The following DELE1 variants were observed in gnomAD, a reference collection of about 807,000 sequenced individuals.
DELE1 encodes death ligand signal enhancer.
Under a neutral mutation model 59.3 loss-of-function variants are expected in DELE1, and 54 were observed. The ratio of observed to expected loss-of-function variants is 0.91; its 90% confidence interval spans 0.73 to 1.14. The LOEUF is 1.14. DELE1 is among the 50% of genes most tolerant of loss of function. The pLI, the probability that DELE1 is intolerant of heterozygous loss-of-function variation, is 0.00. For synonymous variants in DELE1, 264 were observed against 259.1 expected (o/e 1.02, Z -0.18); for missense variants, 636 against 643.9 (o/e 0.99, Z 0.13).
rs1751720866 is a variant in DELE1, at chr5:141,929,590, CAA to C, written c.422_423del (p.Gln141ProfsTer48). On this transcript the variant is annotated frameshift_variant, in exon 5 of 12. Coordinates refer to ENST00000432126, the MANE Select transcript of DELE1 (RefSeq NM_014773.5). LOFTEE classifies it high-confidence loss of function. ...TTGCTGGCTCTTTCCAGCACTGCGACAACACATCCTCCCCAGCCCCGATGGCC... is the reference window on the plus strand; with the variant it reads ...TTGCTGGCTCTTTCCAGCACTGCGACCACATCCTCCCCAGCCCCGATGGCC... ...PLWHPCSSLRQHILPSPDGPA... is the reference protein window; with the variant it reads ...PLWHPCSSLRXHILPSPDGPA... 4 of 1,613,526 alleles carry C rather than the reference CAA, an allele frequency of 2.5e-6. No individual in the cohort carries two copies. Among genetic ancestry groups the C allele is most frequent in the Non-Finnish European group, 3.4e-6 (4 of 1,179,972 alleles).
At chr5:141,935,047 T>G (rs750008663) in intron 10 of DELE1, 1 of 164,972 alleles carries the variant, frequency 6.1e-6, no homozygotes, top group Non-Finnish European at 1.3e-5. Flanking sequence ...AACTAACAGG[T>G]GTGACAGTGC....
At chr5:141,930,846 C>T (rs550011093) in intron 7 of DELE1, among the ~76,000 whole-genome samples, 12 of 152,204 alleles carry the variant, frequency 7.9e-5, no homozygotes, top group East Asian at 1.9e-4. Flanking sequence ...CCTTCTAATG[C>T]GGAGACTCAG....
intron 7 of DELE1, chr5:141,931,427 T>C (rs1355725995): frequency 6.6e-6 from 1 of 152,238 alleles, no homozygotes; most frequent in Non-Finnish European, 1.5e-5. Flanking sequence ...TTTGGAGGGC[T>C]TTAAGCAGGA....
In DELE1 at chr5:141,938,118, G is replaced by A. The variant is rs111830711; in HGVS notation, c.1310-403G>A. On this transcript the variant is annotated intron_variant, in intron 11 of 11. Transcript: ENST00000432126. ...TGGGATTACAAGTGTGAGCCACCGC[G>A]CCCAGTCAAACCTGAGTTTTAACCC... is the stretch of plus-strand genomic sequence containing the variant. Among the ~76,000 whole-genome samples, 1,367 of 152,124 alleles carry A rather than the reference G, an allele frequency of 9.0e-3. 24 individuals are homozygous for A. Among genetic ancestry groups the A allele is most frequent in the African/African-American group, 0.032 (1,308 of 41,500 alleles).
chr5:141,938,494 A>G (rs1471525768), intron 11 of DELE1, 27 bp from the exon 12 acceptor site: 1 of 1,607,324 alleles, frequency 6.2e-7, no homozygotes, highest in South Asian at 1.1e-5. Context: ...CAGCAAGAGT[A>G]AGAGTTGCTC....
At chr5:141,928,128 C>T (rs182911077) in intron 3 of DELE1, 23 bp from the exon 4 acceptor site, 6 of 1,608,560 alleles carry the variant, frequency 3.7e-6, no homozygotes. Context: ...AGGACCGTGT[C>T]CTTAACGTGC....
Position 141,929,754 on chromosome 5 carries a change from T to C in DELE1, c.571+14T>C, listed in dbSNP as rs764061758. The C allele has an allele frequency of 1.2e-6, 2 of 1,613,556 alleles. No homozygotes were observed. Among genetic ancestry groups the C allele is most frequent in the East Asian group, 4.5e-5 (2 of 44,854 alleles). On this transcript the variant is annotated intron_variant, in intron 5 of 11. Transcript: ENST00000432126. The stretch of plus-strand genomic sequence containing the variant: ...CCTCTGAGGAAGGTATGTCCCTGCC[T>C]CATGGAATCAGCAGAAGGCAGGGGG...
rs1289974422 is a variant in DELE1, at chr5:141,938,577, C to G, written c.1366C>G (p.Leu456Val). 5.6e-6 allele frequency: 9 copies of G among 1,614,074 alleles called. No individual in the cohort carries two copies. The highest frequency in any genetic ancestry group is 7.6e-6 in the Non-Finnish European group (9 of 1,180,044). The change falls in exon 12 of 12, where the codon CTC becomes GTC. Residue 456 changes from leucine (L) to valine (V), a missense_variant. Physicochemically the swap from Leu to Val is conservative, Grantham distance 32. Coordinates refer to ENST00000432126, the MANE Select transcript of DELE1 (RefSeq NM_014773.5). ...TGLKSFSSPSLCSLNTLLAGT... is the reference protein window; with the variant it reads ...TGLKSFSSPSVCSLNTLLAGT... Reference sequence around the variant, plus strand: ...ACTGAAGTCTTTCTCCAGCCCCTCCCTCTGCAGCTTGAACACCCTGCTAGC... The same window carrying G: ...ACTGAAGTCTTTCTCCAGCCCCTCCGTCTGCAGCTTGAACACCCTGCTAGC...
Position 141,939,081 on chromosome 5 carries a change from C to A in DELE1, c.*322C>A, listed in dbSNP as rs906094290. On this transcript the variant is annotated 3_prime_UTR_variant, in exon 12 of 12. Transcript: ENST00000432126. ...CCTTTGTCTTTGAGCAAATAACTTA[C>A]CTTCTTCCTTCTTATGCCTGGGTTT... 11 of 1,076,830 alleles carry A rather than the reference C, an allele frequency of 1.0e-5. No individual in the cohort carries two copies. Among genetic ancestry groups the A allele is most frequent in the Non-Finnish European group, 1.2e-5 (11 of 887,528 alleles). 66.7% of individuals were successfully genotyped at this position (1,076,830 alleles called of 1,614,324 possible).
At position 141,939,460 on chromosome 5, in the gene DELE1, C is replaced by T; in HGVS notation, c.*701C>T. The T allele has an allele frequency of 1.0e-6, 1 of 985,824 alleles. No individual in the cohort carries two copies. 61.1% of individuals were successfully genotyped at this position (985,824 alleles called of 1,614,324 possible). ...TAGCCCACCATTCACCTCTGTTCAT[C>T]CCCCGTGGGCTCATAATCGTTTTCA... On this transcript the variant is annotated 3_prime_UTR_variant, in exon 12 of 12. Transcript: ENST00000432126.
In DELE1 at chr5:141,923,914, G is replaced by T; in HGVS notation, c.-28G>T. ...AAGGGTTGGTCTCGCGCTTTCGGCT[G>T]CGAGCTCTCTGTGGTGCTGGCAGCG... On this transcript the variant is annotated 5_prime_UTR_variant, in exon 1 of 12. Transcript: ENST00000432126. 6.3e-7 allele frequency: 1 copy of T among 1,595,496 alleles called. No homozygotes were observed. The highest frequency in any genetic ancestry group is 8.5e-7 in the Non-Finnish European group (1 of 1,171,308).
At chr5:141,925,649 T>C (rs1001004538) in intron 3 of DELE1, 122 bp downstream of exon 3, 34 of 561,346 alleles carry the variant, frequency 6.1e-5, no homozygotes, top group Non-Finnish European at 9.4e-5. Context: ...AAGTAACCCA[T>C]GGTATTGGAG....
chr5:141,924,537 C>T, intron 1 of DELE1, 44 bp from the exon 2 acceptor site: 3 of 1,139,598 alleles, frequency 2.6e-6, no homozygotes, highest in Admixed American at 1.7e-5. Flanking sequence ...ACAGTGATTC[C>T]TGGGTTCTTG....
rs1037530043 is a variant in DELE1, at chr5:141,941,138, C to T, written c.*2379C>T. On this transcript the variant is annotated 3_prime_UTR_variant, in exon 12 of 12. Coordinates refer to ENST00000432126, the MANE Select transcript of DELE1 (RefSeq NM_014773.5). ...GCCCCACTCCCCAGCCTCCTCCCCT[C>T]TGTGGTCATTTTGGATTTTCTGACT... is the stretch of plus-strand genomic sequence containing the variant. 2.0e-6 allele frequency: 2 copies of T among 985,340 alleles called. No homozygotes were observed. Among genetic ancestry groups the T allele is most frequent in the African/African-American group, 1.7e-5 (1 of 57,220 alleles). The allele number at this position is 985,340 out of a possible 1,614,324, so 61.0% of individuals were successfully genotyped here.
chr5:141,934,485 T>C lies in DELE1; in HGVS notation c.1057-9T>C, dbSNP rs755606557. 1.2e-6 allele frequency: 2 copies of C among 1,614,216 alleles called. No homozygotes were observed. Among genetic ancestry groups the C allele is most frequent in the East Asian group, 2.2e-5 (1 of 44,890 alleles). On this transcript the variant is annotated splice_polypyrimidine_tract_variant and intron_variant, in intron 9 of 11. Transcript: ENST00000432126. Reference sequence around the variant, plus strand: ...AAGATGCCTTCTTTTCCTTCCTCCTTGACCACAGGCCCAAGCTTTCCTCGG... The same window carrying C: ...AAGATGCCTTCTTTTCCTTCCTCCTCGACCACAGGCCCAAGCTTTCCTCGG...
In DELE1 at chr5:141,936,916, C is replaced by G. The variant is rs555277400; in HGVS notation, c.1150-282C>G. ...TGGCCTGAGTGTTTCCTGTAGCCTTCGTTGTGCATGCTTTCAGCCAGCCTA... is the reference window on the plus strand; with the variant it reads ...TGGCCTGAGTGTTTCCTGTAGCCTTGGTTGTGCATGCTTTCAGCCAGCCTA... On this transcript the variant is annotated intron_variant, in intron 10 of 11. Transcript: ENST00000432126. 7 of 985,228 alleles carry G rather than the reference C, an allele frequency of 7.1e-6. No homozygotes were observed. In the African/African-American group the frequency reaches 1.2e-4, roughly 17 times the overall value. 61.0% of individuals were successfully genotyped at this position (985,228 alleles called of 1,614,324 possible).
rs530284805 is a variant in DELE1, at chr5:141,929,635, G to T, written c.466G>T (p.Gly156Cys). The change falls in exon 5 of 12, where the codon GGC becomes TGC. Residue 156 changes from glycine (G) to cysteine (C), a missense_variant. Gly to Cys is a radical substitution (Grantham distance 159, BLOSUM62 -3). Transcript: ENST00000432126. ...SPDGPAPRHT[G>C]LREPRLGQEE... is the part of the protein sequence containing the mutation. ...CGATGGCCCAGCTCCCAGGCACACT[G>T]GCCTCAGGGAACCCAGGCTTGGCCA... The T allele has an allele frequency of 6.2e-7, 1 of 1,614,134 alleles. No individual in the cohort carries two copies. The highest frequency in any genetic ancestry group is 8.5e-7 in the Non-Finnish European group (1 of 1,180,030).
In DELE1 at chr5:141,941,949, C is replaced by G; in HGVS notation, c.*3190C>G. ...ATAATTCTGTATTGCCCCCCACTCG[C>G]CGCCTATACACACGCACACACGCAC... On this transcript the variant is annotated 3_prime_UTR_variant, in exon 12 of 12. Transcript: ENST00000432126. 4 of 985,142 alleles carry G rather than the reference C, an allele frequency of 4.1e-6. No homozygotes were observed. Among genetic ancestry groups the G allele is most frequent in the Non-Finnish European group, 4.8e-6 (4 of 829,918 alleles). 61.0% of individuals were successfully genotyped at this position (985,142 alleles called of 1,614,324 possible).
rs770875564 is a variant in DELE1, at chr5:141,925,447, A to G, written c.184A>G (p.Arg62Gly). The change falls in exon 3 of 12, where the codon AGG becomes GGG. Residue 62 changes from arginine (R) to glycine (G), a missense_variant. Arg to Gly is a moderately radical substitution (Grantham distance 125). Coordinates refer to ENST00000432126, the MANE Select transcript of DELE1 (RefSeq NM_014773.5). ...PHGPGTSGGPRSHGWKDAFQW... is the reference protein window; with the variant it reads ...PHGPGTSGGPGSHGWKDAFQW... ...TGGCCCAGGCACGAGCGGGGGTCCA[A>G]GGTCCCATGGATGGAAGGATGCCTT... is the stretch of plus-strand genomic sequence containing the variant. The G allele has an allele frequency of 1.9e-6, 3 of 1,603,074 alleles. No homozygotes were observed. In the Admixed American group the frequency reaches 5.1e-5, roughly 27 times the overall value.
Sources: gnomAD v4.1 joint callset for allele counts (sites outside exome capture counted in the v4.1 genomes callset) on GRCh38, gnomAD v4.1.1 for gene constraint, MANE v1.5 for transcripts, NCBI Gene and HGNC (gene_info 2026-07-23, HGNC 2026-07-21) for gene names.